The following GJA4 variants were observed in gnomAD, a reference collection of about 807,000 sequenced individuals.
The protein encoded by GJA4 is gap junction alpha-4 protein.
In GJA4, 13 loss-of-function variants were observed where a neutral mutation model predicts 25.1. That is an observed-to-expected ratio of 0.52 (90% confidence interval 0.34 to 0.82). The LOEUF (loss-of-function observed/expected upper bound fraction) is 0.82, where lower values mean the gene tolerates loss of function less well. GJA4 is among the 40% of genes least tolerant of loss of function. The pLI is 0.02. For synonymous variants in GJA4, 167 were observed against 193.9 expected (o/e 0.86, Z 1.15); for missense variants, 357 against 443.5 (o/e 0.80, Z 1.75).
At position 34,794,583 on chromosome 1, in the gene GJA4, G is replaced by C; in HGVS notation, c.370G>C (p.Glu124Gln). 1 of 1,607,982 alleles carries C rather than the reference G, an allele frequency of 6.2e-7. No individual in the cohort carries two copies. The highest frequency in any genetic ancestry group is 1.3e-5 in the African/African-American group (1 of 75,054). Residue 124 changes from glutamate (E) to glutamine (Q), a missense_variant, in exon 2 of 2, where the codon GAG becomes CAG. Physicochemically the swap from Glu to Gln is conservative, Grantham distance 29. This residue lies in a region of GJA4 where 278 missense variants were observed against 298.1 expected (regional missense o/e 0.93). Coordinates refer to ENST00000342280, the MANE Select transcript of GJA4 (RefSeq NM_002060.3). This position sits in a 1 kb window ranked among gnomAD's most constrained non-coding sequence, Gnocchi z 7.8. Reference protein sequence around the residue: ...RALPAKDPQVERALAAVERQM... With the variant: ...RALPAKDPQVQRALAAVERQM... ...ACTGCCGGCCAAGGACCCACAGGTGGAGCGGGCGCTGGCGGCCGTAGAGCG... is the reference window on the plus strand; with the variant it reads ...ACTGCCGGCCAAGGACCCACAGGTGCAGCGGGCGCTGGCGGCCGTAGAGCG...
Position 34,793,083 on chromosome 1 carries a change from A to G in GJA4, c.-18+15A>G. On this transcript the variant is annotated intron_variant, in intron 1 of 1. Transcript: ENST00000342280. Reference sequence around the variant, plus strand: ...GCAGGCAGGCGGTGAGTCGGGGGCTAGGAAGGGACCAGGGGCGCCACCTGC... The same window carrying G: ...GCAGGCAGGCGGTGAGTCGGGGGCTGGGAAGGGACCAGGGGCGCCACCTGC... The G allele has an allele frequency of 3.0e-6, 1 of 333,958 alleles. No individual in the cohort carries two copies. 20.7% of individuals were successfully genotyped at this position (333,958 alleles called of 1,614,324 possible). A position where few individuals can be genotyped will look rare whatever the true frequency, so the allele number is the denominator to read the frequency against.
rs1640281698 is a variant in GJA4 at position 34,795,370 on chromosome 1, C to T, written c.*155C>T. 2 of 602,366 alleles carry T rather than the reference C, an allele frequency of 3.3e-6. No individual in the cohort carries two copies. Among genetic ancestry groups the T allele is most frequent in the Non-Finnish European group, 6.0e-6 (2 of 332,724 alleles). 37.3% of individuals were successfully genotyped at this position (602,366 alleles called of 1,614,324 possible). ...AGCCTCATTGCAAGTTGTTCTTGAA[C>T]ACCTGAGGCCTTCCTGGTGCCCACC... On this transcript the variant is annotated 3_prime_UTR_variant, in exon 2 of 2. Transcript: ENST00000342280.
chr1:34,793,347 G>A (rs1003375913), intron 1 of GJA4, among the ~76,000 whole-genome samples: 4 of 152,238 alleles, frequency 2.6e-5, no homozygotes, highest in African/African-American at 9.6e-5. Flanking sequence ...TTACTAAAAG[G>A]CAAGATTTGA....
chr1:34,794,855 G>A lies in GJA4; in HGVS notation c.642G>A (p.Leu214=). Residue 214 remains leucine (L), a synonymous_variant, in exon 2 of 2, where the codon TTG becomes TTA. Transcript: ENST00000342280. The surrounding 1 kb of genome is among the most constrained non-coding windows in gnomAD (Gnocchi z 7.8). The stretch of plus-strand genomic sequence containing the variant: ...AGACCATCTTCATCATCTTCATGTT[G>A]GTGGTTGGACTCATCTCCCTGGTGC... ...TEKTIFIIFM[L]VVGLISLVLN... is the part of the protein sequence containing the mutation. 6.2e-7 allele frequency: 1 copy of A among 1,614,164 alleles called. No individual in the cohort carries two copies. The highest frequency in any genetic ancestry group is 8.5e-7 in the Non-Finnish European group (1 of 1,180,016).
At position 34,794,590 on chromosome 1, in the gene GJA4, C is replaced by T. The variant is rs552638096; in HGVS notation, c.377C>T (p.Ala126Val). Residue 126 changes from alanine to valine, a missense_variant, in exon 2 of 2, where the codon GCG (alanine) becomes GTG (valine). By Grantham distance (64) the Ala-to-Val change is moderately conservative. Coordinates refer to ENST00000342280, the MANE Select transcript of GJA4 (RefSeq NM_002060.3). This position sits in a 1 kb window ranked among gnomAD's most constrained non-coding sequence, Gnocchi z 7.8. ...LPAKDPQVERALAAVERQMAK... is the reference protein window; with the variant it reads ...LPAKDPQVERVLAAVERQMAK... ...GCCAAGGACCCACAGGTGGAGCGGG[C>T]GCTGGCGGCCGTAGAGCGTCAGATG... 9.8e-5 allele frequency: 157 copies of T among 1,606,540 alleles called. 1 individual carries two copies. The South Asian group carries it at 1.0e-3, about 10-fold the overall frequency.
Position 34,794,435 on chromosome 1 carries a change from C to T in GJA4, c.222C>T (p.His74=). 1 of 1,614,242 alleles carries T rather than the reference C, an allele frequency of 6.2e-7. No homozygotes were observed. The highest frequency in any genetic ancestry group is 8.5e-7 in the Non-Finnish European group (1 of 1,180,040). ...ATGACCAGGCCTTCCCCATCTCCCA[C>T]ATCCGCTACTGGGTGCTGCAGTTCC... The part of the protein sequence containing the change: ...VCYDQAFPIS[H]IRYWVLQFLF... The change falls in exon 2 of 2, where the codon CAC becomes CAT. Residue 74 remains histidine (H), a synonymous_variant. Transcript: ENST00000342280. The surrounding 1 kb of genome is among the most constrained non-coding windows in gnomAD (Gnocchi z 7.8).
intron 1 of GJA4, among the ~76,000 whole-genome samples, chr1:34,793,870 G>A (rs1249151138): frequency 1.3e-5 from 2 of 152,206 alleles, no homozygotes; most frequent in African/African-American, 4.8e-5. Flanking sequence ...ATAGGCAAAG[G>A]AGCCTCAACT....
Position 34,794,973 on chromosome 1 carries a change from A to C in GJA4, c.760A>C (p.Thr254Pro), listed in dbSNP as rs1387568622. The C allele has an allele frequency of 6.2e-7, 1 of 1,613,720 alleles. No homozygotes were observed. Among genetic ancestry groups the C allele is most frequent in the Non-Finnish European group, 8.5e-7 (1 of 1,179,956 alleles). The change falls in exon 2 of 2, where the codon ACC becomes CCC. Residue 254 changes from threonine to proline, a missense_variant. By Grantham distance (38) the Thr-to-Pro change is conservative (BLOSUM62 -1). This residue lies in a region of GJA4 where 278 missense variants were observed against 298.1 expected (regional missense o/e 0.93). Transcript: ENST00000342280. The surrounding 1 kb of genome is among the most constrained non-coding windows in gnomAD (Gnocchi z 7.8). ...QGQDAPPTQGTSSDPYTDQVF... is the reference protein window; with the variant it reads ...QGQDAPPTQGPSSDPYTDQVF... ...CCAAGACGCACCCCCGACCCAGGGC[A>C]CCTCCTCAGACCCTTACACGGACCA...
In GJA4 at chr1:34,794,259, G is replaced by A. The variant is rs745772419; in HGVS notation, c.46G>A (p.Glu16Lys). 1 of 1,614,156 alleles carries A rather than the reference G, an allele frequency of 6.2e-7. No individual in the cohort carries two copies. Among genetic ancestry groups the A allele is most frequent in the East Asian group, 2.2e-5 (1 of 44,876 alleles). Residue 16 changes from glutamate (E) to lysine (K), a missense_variant, in exon 2 of 2, where the codon GAG becomes AAG. Glu to Lys is a moderately conservative substitution (Grantham distance 56). Around this residue, in one of 2 missense-constraint regions of GJA4, gnomAD observed 79 missense variants for 145.4 expected, o/e 0.54. Transcript: ENST00000342280. The surrounding 1 kb of genome is among the most constrained non-coding windows in gnomAD (Gnocchi z 7.8). ...FLEKLLDQVQ[E>K]HSTVVGKIWL... The stretch of plus-strand genomic sequence containing the variant: ...GGAGAAGTTGCTGGACCAGGTCCAG[G>A]AGCACTCGACCGTGGTGGGTAAGAT...
Position 34,794,721 on chromosome 1 carries a change from C to T in GJA4, c.508C>T (p.Leu170Phe). 1.2e-6 allele frequency: 2 copies of T among 1,613,524 alleles called. No individual in the cohort carries two copies. The highest frequency in any genetic ancestry group is 8.5e-7 in the Non-Finnish European group (1 of 1,180,020). The change falls in exon 2 of 2, where the codon CTC becomes TTC. Residue 170 changes from leucine (L) to phenylalanine (F), a missense_variant. By Grantham distance (22) the Leu-to-Phe change is conservative. Around this residue, in one of 2 missense-constraint regions of GJA4, gnomAD observed 278 missense variants for 298.1 expected, o/e 0.93. Coordinates refer to ENST00000342280, the MANE Select transcript of GJA4 (RefSeq NM_002060.3). This position sits in a 1 kb window ranked among gnomAD's most constrained non-coding sequence, Gnocchi z 7.8. The stretch of plus-strand genomic sequence containing the variant: ...CAAGAGTGTGCTAGAGGCAGGCTTC[C>T]TCTATGGCCAGTGGCGCCTGTACGG... ...LCKSVLEAGF[L>F]YGQWRLYGWT...
Position 34,794,811 on chromosome 1 carries a change from G to T in GJA4, c.598G>T (p.Val200Phe), listed in dbSNP as rs879455602. Reference protein sequence around the residue: ...APCPYLVDCFVSRPTEKTIFI... With the variant: ...APCPYLVDCFFSRPTEKTIFI... ...CTGCCCCTACCTCGTGGACTGCTTT[G>T]TCTCTCGCCCCACGGAGAAGACCAT... The change falls in exon 2 of 2, where the codon GTC becomes TTC. Residue 200 changes from valine (V) to phenylalanine (F), a missense_variant. Coordinates refer to ENST00000342280, the MANE Select transcript of GJA4 (RefSeq NM_002060.3). The surrounding 1 kb of genome is among the most constrained non-coding windows in gnomAD (Gnocchi z 7.8). 1 of 1,614,178 alleles carries T rather than the reference G, an allele frequency of 6.2e-7. No homozygotes were observed. Among genetic ancestry groups the T allele is most frequent in the Non-Finnish European group, 8.5e-7 (1 of 1,180,036 alleles).
In GJA4 at chr1:34,795,699, T is replaced by A. The variant is rs1640288159; in HGVS notation, c.*484T>A. The stretch of plus-strand genomic sequence containing the variant: ...CTGGTGCCTTGTTTTCATCACTCCT[T>A]CCTAGTTCTACTGTTCAAGCTTCTG... On this transcript the variant is annotated 3_prime_UTR_variant, in exon 2 of 2. Coordinates refer to ENST00000342280, the MANE Select transcript of GJA4 (RefSeq NM_002060.3). The A allele has an allele frequency of 5.7e-6, 1 of 174,274 alleles. No individual in the cohort carries two copies. Among genetic ancestry groups the A allele is most frequent in the Non-Finnish European group, 1.4e-5 (1 of 72,940 alleles). 10.8% of individuals were successfully genotyped at this position (174,274 alleles called of 1,614,324 possible).
chr1:34,794,532 C>A lies in GJA4; in HGVS notation c.319C>A (p.Arg107=), dbSNP rs761437490. The A allele has an allele frequency of 1.2e-6, 2 of 1,612,594 alleles. No homozygotes were observed. The highest frequency in any genetic ancestry group is 1.3e-5 in the African/African-American group (1 of 74,924). ...CCTGTCTCGGCGAGAAGAGCGGCTGCGGCAGAAGGAGGGGGAGCTGCGGGC... is the reference window on the plus strand; with the variant it reads ...CCTGTCTCGGCGAGAAGAGCGGCTGAGGCAGAAGGAGGGGGAGCTGCGGGC... ...IYLSRREERL[R]QKEGELRALP... The change falls in exon 2 of 2, where the codon CGG becomes AGG. Residue 107 remains arginine, a synonymous_variant. Transcript: ENST00000342280. This position sits in a 1 kb window ranked among gnomAD's most constrained non-coding sequence, Gnocchi z 7.8.
At position 34,794,243 on chromosome 1, in the gene GJA4, G is replaced by A. The variant is rs774136386; in HGVS notation, c.30G>A (p.Leu10=). 3.7e-6 allele frequency: 6 copies of A among 1,614,174 alleles called. No individual in the cohort carries two copies. Among genetic ancestry groups the A allele is most frequent in the Non-Finnish European group, 4.2e-6 (5 of 1,180,000 alleles). Residue 10 remains leucine (L), a synonymous_variant, in exon 2 of 2, where the codon TTG becomes TTA. Coordinates refer to ENST00000342280, the MANE Select transcript of GJA4 (RefSeq NM_002060.3). This position sits in a 1 kb window ranked among gnomAD's most constrained non-coding sequence, Gnocchi z 7.8. MGDWGFLEK[L]LDQVQEHSTV... is the part of the protein sequence containing the mutation. ...GTGACTGGGGCTTCCTGGAGAAGTTGCTGGACCAGGTCCAGGAGCACTCGA... is the reference window on the plus strand; with the variant it reads ...GTGACTGGGGCTTCCTGGAGAAGTTACTGGACCAGGTCCAGGAGCACTCGA...
rs1233660205 is a variant in GJA4, at chr1:34,795,171, C to T, written c.958C>T (p.Pro320Ser). 3.7e-6 allele frequency: 6 copies of T among 1,613,082 alleles called. No individual in the cohort carries two copies. The highest frequency in any genetic ancestry group is 5.1e-6 in the Non-Finnish European group (6 of 1,179,382). Residue 320 changes from proline (P) to serine (S), a missense_variant, in exon 2 of 2, where the codon CCA (proline) becomes TCA (serine). Physicochemically the swap from Pro to Ser is moderately conservative, Grantham distance 74. Around this residue, in one of 2 missense-constraint regions of GJA4, gnomAD observed 278 missense variants for 298.1 expected, o/e 0.93. Transcript: ENST00000342280. ...DPPPQNGQKP[P>S]SRPSSSASKK... ...ACCCCCTCAGAATGGCCAAAAACCC[C>T]CAAGTCGTCCCAGCAGCTCTGCTTC...
In GJA4 at chr1:34,794,656, G is replaced by T. The variant is rs758561735; in HGVS notation, c.443G>T (p.Arg148Leu). The change falls in exon 2 of 2, where the codon CGC becomes CTC. Residue 148 changes from arginine to leucine, a missense_variant. This residue lies in a region of GJA4 where 278 missense variants were observed against 298.1 expected (regional missense o/e 0.93). Coordinates refer to ENST00000342280, the MANE Select transcript of GJA4 (RefSeq NM_002060.3). This position sits in a 1 kb window ranked among gnomAD's most constrained non-coding sequence, Gnocchi z 7.8. ...GCAGAAGATGGTCGCCTGCGCATCC[G>T]CGGAGCACTGATGGGCACCTATGTC... ...SVAEDGRLRI[R>L]GALMGTYVAS... 11 of 1,608,854 alleles carry T rather than the reference G, an allele frequency of 6.8e-6. No individual in the cohort carries two copies. Among genetic ancestry groups the T allele is most frequent in the Non-Finnish European group, 9.3e-6 (11 of 1,179,974 alleles).
chr1:34,794,653 T>A lies in GJA4; in HGVS notation c.440T>A (p.Ile147Asn), dbSNP rs1470755137. ...GTGGCAGAAGATGGTCGCCTGCGCA[T>A]CCGCGGAGCACTGATGGGCACCTAT... is the stretch of plus-strand genomic sequence containing the variant. ...ISVAEDGRLRIRGALMGTYVA... is the reference protein window; with the variant it reads ...ISVAEDGRLRNRGALMGTYVA... Residue 147 changes from isoleucine to asparagine, a missense_variant, in exon 2 of 2, where the codon ATC (isoleucine) becomes AAC (asparagine). By Grantham distance (149) the Ile-to-Asn change is moderately radical. Transcript: ENST00000342280. The surrounding 1 kb of genome is among the most constrained non-coding windows in gnomAD (Gnocchi z 7.8). The A allele has an allele frequency of 1.9e-6, 3 of 1,607,872 alleles. No individual in the cohort carries two copies. Among genetic ancestry groups the A allele is most frequent in the Non-Finnish European group, 2.5e-6 (3 of 1,179,858 alleles).
Position 34,795,125 on chromosome 1 carries a change from G to C in GJA4, c.912G>C (p.Arg304Ser). 6.2e-7 allele frequency: 1 copy of C among 1,612,916 alleles called. No homozygotes were observed. Among genetic ancestry groups the C allele is most frequent in the Non-Finnish European group, 8.5e-7 (1 of 1,179,212 alleles). ...LTTEERLASSRPPLFLDPPPQ... is the reference protein window; with the variant it reads ...LTTEERLASSSPPLFLDPPPQ... Reference sequence around the variant, plus strand: ...CAGAGGAGAGGCTGGCGTCTTCCAGGCCCCCTCTCTTCCTGGACCCACCCC... The same window carrying C: ...CAGAGGAGAGGCTGGCGTCTTCCAGCCCCCCTCTCTTCCTGGACCCACCCC... Residue 304 changes from arginine (R) to serine (S), a missense_variant, in exon 2 of 2, where the codon AGG (arginine) becomes AGC (serine). Arg to Ser is a moderately radical substitution (Grantham distance 110, BLOSUM62 -1). Transcript: ENST00000342280.
At chr1:34,793,170 G>A in intron 1 of GJA4, 102 bp downstream of exon 1, 2 of 250,492 alleles carry the variant, frequency 8.0e-6, no homozygotes, top group South Asian at 9.1e-5. Flanking sequence ...GCTGCGGAAC[G>A]CCCGCCGCGA....
Sources: gnomAD v4.1 joint callset for allele counts (sites outside exome capture counted in the v4.1 genomes callset) on GRCh38, gnomAD v4.1.1 for gene constraint, gnomAD v4.1.1 regional missense constraint, Gnocchi (gnomAD v3.1) non-coding constraint, MANE v1.5 for transcripts, NCBI Gene and HGNC (gene_info 2026-07-23, HGNC 2026-07-21) for gene names.